The following TOX3 variants were observed in gnomAD, a reference collection of about 807,000 sequenced individuals.
TOX3 encodes the protein TOX high mobility group box family member 3, also known as CAG trinucleotide repeat-containing gene F9 protein.
TOX3 carries 22 observed loss-of-function variants against 64.3 expected under a neutral mutation model. The observed-to-expected ratio is 0.34, with a 90% CI of 0.24 to 0.49. The LOEUF (loss-of-function observed/expected upper bound fraction) is 0.49, where lower values mean the gene tolerates loss of function less well. TOX3 is among the 20% of genes least tolerant of loss of function. The pLI is 0.99. For synonymous variants in TOX3, 291 were observed against 273.6 expected (o/e 1.06, Z -0.63); for missense variants, 661 against 714.4 (o/e 0.93, Z 0.85).
At chr16:52,532,636 C>T (rs758175443) in intron 1 of TOX3, among the ~76,000 whole-genome samples, 12 of 152,176 alleles carry the variant, frequency 7.9e-5, no homozygotes, top group Non-Finnish European at 1.6e-4. Context: ...AGTTTAGAGG[C>T]GGTTTATCAC....
At chr16:52,467,744 G>A (rs1325565832) in intron 2 of TOX3, among the ~76,000 whole-genome samples, 1 of 152,094 alleles carries the variant, frequency 6.6e-6, no homozygotes, top group Non-Finnish European at 1.5e-5. Context: ...CTGGAGGGCA[G>A]GCCAATGAGA....
intron 1 of TOX3, among the ~76,000 whole-genome samples, chr16:52,523,977 C>G (rs923465368): frequency 6.6e-6 from 1 of 152,098 alleles, no homozygotes; most frequent in African/African-American, 2.4e-5. Context: ...AAGACATAAA[C>G]TTTAAATTTA....
chr16:52,535,185 C>T (rs1428313375), intron 1 of TOX3, among the ~76,000 whole-genome samples: 1 of 152,120 alleles, frequency 6.6e-6, no homozygotes, highest in Non-Finnish European at 1.5e-5. Flanking sequence ...CAGACCTCAC[C>T]CATCGCTCAC....
intron 1 of TOX3, among the ~76,000 whole-genome samples, chr16:52,472,473 T>A (rs1961077569): frequency 6.6e-6 from 1 of 152,184 alleles, no homozygotes; most frequent in African/African-American, 2.4e-5. Flanking sequence ...TACACCATGG[T>A]AAAATGTATT....
chr16:52,519,990 A>G (rs941426974), intron 1 of TOX3, among the ~76,000 whole-genome samples: 321 of 150,080 alleles, frequency 2.1e-3, no homozygotes, highest in Non-Finnish European at 3.2e-3. Context: ...AAAAAAAAAA[A>G]AAGAAGAAGA....
intron 1 of TOX3, among the ~76,000 whole-genome samples, chr16:52,539,579 T>C (rs1364854450): frequency 6.6e-6 from 1 of 152,242 alleles, no homozygotes; most frequent in Non-Finnish European, 1.5e-5. Context: ...CCAAGGATGT[T>C]GTCCTTGCAT....
intron 1 of TOX3, among the ~76,000 whole-genome samples, chr16:52,537,238 T>C (rs938360117): frequency 6.6e-6 from 1 of 152,012 alleles, no homozygotes; most frequent in African/African-American, 2.4e-5. Flanking sequence ...ACCTACTCAA[T>C]ACAACCTAGG....
intron 1 of TOX3, among the ~76,000 whole-genome samples, chr16:52,525,036 G>GA (rs1055945319): frequency 9.9e-5 from 15 of 151,996 alleles, no homozygotes; most frequent in Non-Finnish European, 1.6e-4. Context: ...ATATTTGAGG[G>GA]AAAAAAGAGA....
At chr16:52,447,080 G>A (rs1008798915) in intron 4 of TOX3, among the ~76,000 whole-genome samples, 9 of 152,126 alleles carry the variant, frequency 5.9e-5, no homozygotes, top group African/African-American at 1.9e-4. Flanking sequence ...TATGGGTATA[G>A]TTTCCCAATT....
At chr16:52,448,873 C>G (rs1960248456) in intron 4 of TOX3, among the ~76,000 whole-genome samples, 1 of 152,220 alleles carries the variant, frequency 6.6e-6, no homozygotes, top group Admixed American at 6.5e-5. Flanking sequence ...AAATTCAACT[C>G]TAACATCCCA....
intron 1 of TOX3, among the ~76,000 whole-genome samples, chr16:52,505,264 G>A (rs1186816517): frequency 6.6e-6 from 1 of 152,208 alleles, no homozygotes; most frequent in African/African-American, 2.4e-5. Context: ...CATCAATGCA[G>A]TTAAGAATCA....
chr16:52,444,459 G>T (rs1418362604), intron 5 of TOX3, 103 bp from the exon 6 acceptor site: 7 of 931,948 alleles, frequency 7.5e-6, no homozygotes, highest in East Asian at 6.1e-5. Flanking sequence ...CACATAAAAA[G>T]GTTGGTCTCC....
intron 1 of TOX3, among the ~76,000 whole-genome samples, chr16:52,501,308 T>C (rs1961993393): frequency 6.6e-6 from 1 of 152,234 alleles, no homozygotes; most frequent in Non-Finnish European, 1.5e-5. Context: ...ATATACACAG[T>C]TACCACCATC....
intron 1 of TOX3, among the ~76,000 whole-genome samples, chr16:52,526,057 G>A (rs964817761): frequency 6.6e-6 from 1 of 152,080 alleles, no homozygotes; most frequent in East Asian, 1.9e-4. Flanking sequence ...CATTCCCATT[G>A]GCTTAAGTAT....
intron 1 of TOX3, among the ~76,000 whole-genome samples, chr16:52,521,570 C>T (rs564455093): frequency 3.3e-5 from 5 of 152,178 alleles, no homozygotes; most frequent in African/African-American, 7.2e-5. Context: ...CCATCTGTGC[C>T]GATGACACTG....
At chr16:52,539,615 C>T (rs1299756850) in intron 1 of TOX3, among the ~76,000 whole-genome samples, 1 of 152,202 alleles carries the variant, frequency 6.6e-6, no homozygotes, top group Non-Finnish European at 1.5e-5. Context: ...TCTTGAAGGA[C>T]TCAAATTCAT....
At chr16:52,524,584 T>G (rs1962682070) in intron 1 of TOX3, among the ~76,000 whole-genome samples, 1 of 152,140 alleles carries the variant, frequency 6.6e-6, no homozygotes. Context: ...TGCCCTCCCC[T>G]TCCCACAGAG....
intron 2 of TOX3, among the ~76,000 whole-genome samples, chr16:52,465,968 T>C (rs1960852883): frequency 6.6e-6 from 1 of 152,238 alleles, no homozygotes; most frequent in Non-Finnish European, 1.5e-5. Context: ...AGTTTCTAAC[T>C]GTGGAACCCC....
intron 1 of TOX3, among the ~76,000 whole-genome samples, chr16:52,479,458 A>T (rs1321571221): frequency 6.6e-6 from 1 of 152,228 alleles, no homozygotes; most frequent in Non-Finnish European, 1.5e-5. Context: ...AGATCAGACC[A>T]TGACAGCTGA....
Sources: gnomAD v4.1 joint callset for allele counts (sites outside exome capture counted in the v4.1 genomes callset) on GRCh38, gnomAD v4.1.1 for gene constraint, MANE v1.5 for transcripts, NCBI Gene and HGNC (gene_info 2026-07-23, HGNC 2026-07-21) for gene names.